The following SQSTM1 variants were observed in gnomAD, a reference collection of about 807,000 sequenced individuals.
SQSTM1 encodes the protein sequestosome 1.
Under a neutral mutation model 45.1 loss-of-function variants are expected in SQSTM1, and 36 were observed. The ratio of observed to expected loss-of-function variants is 0.80; its 90% CI spans 0.61 to 1.05. The LOEUF is 1.05. Ranked by LOEUF, SQSTM1 falls within the 50% of genes least tolerant of loss-of-function variation. The pLI, the probability that SQSTM1 is intolerant of heterozygous loss-of-function variation, is 0.00. For synonymous variants in SQSTM1, 290 were observed against 244.3 expected (o/e 1.19, Z -1.74); for missense variants, 617 against 607.1 (o/e 1.02, Z -0.17).
chr5:179,832,713 G>GA (rs1758283241), intron 5 of SQSTM1, among the ~76,000 whole-genome samples: 1 of 152,232 alleles, frequency 6.6e-6, no homozygotes, highest in African/African-American at 2.4e-5. Flanking sequence ...ATTGGAGAAA[G>GA]AGAAAGGTCC....
intron 1 of SQSTM1, among the ~76,000 whole-genome samples, chr5:179,809,552 T>C (rs1172831710): frequency 6.6e-6 from 1 of 151,038 alleles, no homozygotes; most frequent in Non-Finnish European, 1.5e-5. Context: ...TTGGTCAGGC[T>C]GGTCTCAAAC....
chr5:179,808,864 A>T lies in SQSTM1; in HGVS notation c.-157+2273A>T, dbSNP rs1362096317. Among the ~76,000 whole-genome samples the T allele has an allele frequency of 7.5e-5, 11 of 146,196 alleles. No individual in the cohort carries two copies. In the East Asian group the frequency reaches 7.9e-4, roughly 10 times the overall value. ...TATTTATTTATTTTTAGTTTATCTTATTTTTTTTTTTGAGACGGAGTCTTG... is the reference window on the plus strand; with the variant it reads ...TATTTATTTATTTTTAGTTTATCTTTTTTTTTTTTTTGAGACGGAGTCTTG... On this transcript the variant is annotated intron_variant, in intron 1 of 5. Transcript: ENST00000514093.
chr5:179,828,167 C>T (rs147698186), intron 5 of SQSTM1, among the ~76,000 whole-genome samples: 2 of 152,288 alleles, frequency 1.3e-5, no homozygotes, highest in Non-Finnish European at 2.9e-5. Context: ...ACTCCGTAGA[C>T]AAAGTAGCCT....
intron 7 of SQSTM1, among the ~76,000 whole-genome samples, chr5:179,834,504 C>T (rs958960591): frequency 6.6e-6 from 1 of 151,730 alleles, no homozygotes; most frequent in Admixed American, 6.6e-5. Flanking sequence ...GAGGGAAGGT[C>T]AGCAGATAAA....
chr5:179,806,982 CG>C lies in SQSTM1; in HGVS notation c.-157+393del, dbSNP rs1182385388. On this transcript the variant is annotated intron_variant, in intron 1 of 5. Coordinates refer to the SQSTM1 transcript ENST00000514093. This position sits in a 1 kb window ranked among gnomAD's most constrained non-coding sequence, Gnocchi z 4.6. ...GGATCTGGGGCCGCCGCGGAGTCGACGGCGCAGGGCGGGGCGGCCCGGATTT... is the reference window on the plus strand; with the variant it reads ...GGATCTGGGGCCGCCGCGGAGTCGACGCGCAGGGCGGGGCGGCCCGGATTT... The C allele has an allele frequency of 6.8e-6, 1 of 147,944 alleles. No homozygotes were observed. Among genetic ancestry groups the C allele is most frequent in the Non-Finnish European group, 1.5e-5 (1 of 66,534 alleles). The allele number at this position is 147,944 out of a possible 1,614,324, so 9.2% of individuals were successfully genotyped here.
rs1180992148 is a variant in SQSTM1, at chr5:179,837,555, G to A, written c.*962G>A. On this transcript the variant is annotated 3_prime_UTR_variant, in exon 8 of 8. Transcript: ENST00000389805. ...CTCTCAGACCCAGATGTGACGGGGT[G>A]TGTGGCCCGAGGAAGCTGGACAGCG... is the stretch of plus-strand genomic sequence containing the variant. 2 of 1,614,242 alleles carry A rather than the reference G, an allele frequency of 1.2e-6. No individual in the cohort carries two copies. The highest frequency in any genetic ancestry group is 8.5e-7 in the Non-Finnish European group (1 of 1,180,038).
intron 2 of SQSTM1, chr5:179,811,865 C>G (rs558545036): frequency 1.3e-5 from 2 of 152,188 alleles, no homozygotes; most frequent in Non-Finnish European, 2.9e-5. Flanking sequence ...AGTGCAGTGG[C>G]GCCATCTCGG....
At chr5:179,809,048 G>A (rs1469430667) in intron 1 of SQSTM1, among the ~76,000 whole-genome samples, 9 of 147,536 alleles carry the variant, frequency 6.1e-5, no homozygotes, top group African/African-American at 2.0e-4. Context: ...TATTAGAGAC[G>A]GGGTTTCACC....
At position 179,821,042 on chromosome 5, in the gene SQSTM1, G is replaced by A. The variant is rs376158712; in HGVS notation, c.106G>A (p.Glu36Lys). The change falls in exon 1 of 8, where the codon GAG becomes AAG. Residue 36 changes from glutamate to lysine, a missense_variant. Transcript: ENST00000389805. ...CCSPEPEAEA[E>K]AAAGPGPCER... ...CAGCCCCGAGCCTGAGGCGGAAGCC[G>A]AGGCTGCGGCGGGTCCGGGACCCTG... The A allele has an allele frequency of 2.6e-5, 41 of 1,548,304 alleles. No individual in the cohort carries two copies. Among genetic ancestry groups the A allele is most frequent in the Middle Eastern group, 3.6e-4 (2 of 5,628 alleles).
Position 179,836,744 on chromosome 5 carries a change from C to G in SQSTM1, c.*151C>G. ...CAAGAAGCCATTTAGGGCAGCAAAA[C>G]AAGTGACATGAAGGGAGGGTCCCTG... On this transcript the variant is annotated 3_prime_UTR_variant, in exon 8 of 8. Coordinates refer to ENST00000389805, the MANE Select transcript of SQSTM1 (RefSeq NM_003900.5). 1 of 1,180,458 alleles carries G rather than the reference C, an allele frequency of 8.5e-7. No homozygotes were observed. Among genetic ancestry groups the G allele is most frequent in the Non-Finnish European group, 1.3e-6 (1 of 799,760 alleles). The allele number at this position is 1,180,458 out of a possible 1,614,324, so 73.1% of individuals were successfully genotyped here. A position where few individuals can be genotyped will look rare whatever the true frequency, so the allele number is the denominator to read the frequency against.
chr5:179,821,425 C>A, intron 1 of SQSTM1: 1 of 610,072 alleles, frequency 1.6e-6, no homozygotes, highest in South Asian at 1.6e-5. Context: ...GCGTCAGACG[C>A]CCCGCTCCAC....
rs199887787 is a variant in SQSTM1, at chr5:179,837,704, G to C, written c.*1111G>C. The stretch of plus-strand genomic sequence containing the variant: ...CCTTGGCTGCTCACTGTCCACATGT[G>C]AACTTTTTCTAGGTGGCAGGACAAA... On this transcript the variant is annotated 3_prime_UTR_variant, in exon 8 of 8. Transcript: ENST00000389805. 7.9e-4 allele frequency: 1,275 copies of C among 1,614,256 alleles called. 19 individuals are homozygous for C. The South Asian group carries it at 0.013, about 17-fold the overall frequency.
intron 5 of SQSTM1, among the ~76,000 whole-genome samples, chr5:179,830,644 C>T (rs1758172287): frequency 6.6e-6 from 1 of 151,926 alleles, no homozygotes; most frequent in South Asian, 2.1e-4. Context: ...CTGCAGTTTC[C>T]ACCTCCTGGG....
At chr5:179,815,417 GA>G (rs901017500), upstream of SQSTM1, among the ~76,000 whole-genome samples, 14 of 145,704 alleles carry the variant, frequency 9.6e-5, no homozygotes, top group Admixed American at 1.4e-4. Flanking sequence ...ACTCTGTCTC[GA>G]AAAAAAAAAA....
intron 2 of SQSTM1, 70 bp downstream of exon 2, chr5:179,823,123 CAG>C: frequency 7.0e-7 from 1 of 1,429,266 alleles, no homozygotes. Context: ...GAGTAAAAAA[CAG>C]GGCTCGATGT....
chr5:179,823,985 C>A lies in SQSTM1; in HGVS notation c.429C>A (p.Ser143Arg), dbSNP rs374417389. Residue 143 changes from serine (S) to arginine (R), a missense_variant, in exon 3 of 8, where the codon AGC becomes AGA. Ser to Arg is a moderately radical substitution (Grantham distance 110). Coordinates refer to ENST00000389805, the MANE Select transcript of SQSTM1 (RefSeq NM_003900.5). ...GPVVGTRYKC[S>R]VCPDYDLCSV... The stretch of plus-strand genomic sequence containing the variant: ...TGGTAGGAACCCGCTACAAGTGCAG[C>A]GTCTGCCCAGACTACGACTTGTGTA... 6.2e-6 allele frequency: 10 copies of A among 1,613,924 alleles called. No homozygotes were observed. The African/African-American group carries it at 1.2e-4, about 19-fold the overall frequency.
intron 5 of SQSTM1, among the ~76,000 whole-genome samples, chr5:179,827,247 G>A (rs10056257): frequency 0.52 from 79,432 of 152,036 alleles, 21,102 homozygotes; most frequent in East Asian, 0.79. Flanking sequence ...GCAGCATCTC[G>A]GAACTGAACT....
chr5:179,831,486 A>T (rs1758215111), intron 5 of SQSTM1, among the ~76,000 whole-genome samples: 1 of 152,092 alleles, frequency 6.6e-6, no homozygotes, highest in Non-Finnish European at 1.5e-5. Flanking sequence ...ACATGGTGAA[A>T]CCCCGTCTCT....
At chr5:179,824,127 G>T in intron 3 of SQSTM1, 40 bp downstream of exon 3, 1 of 1,613,600 alleles carries the variant, frequency 6.2e-7, no homozygotes, top group African/African-American at 1.3e-5. Flanking sequence ...TGGGCTCAGG[G>T]TGGCAGGAAC....
Sources: gnomAD v4.1 joint callset for allele counts (sites outside exome capture counted in the v4.1 genomes callset) on GRCh38, gnomAD v4.1.1 for gene constraint, Gnocchi (gnomAD v3.1) non-coding constraint, MANE v1.5 for transcripts, NCBI Gene and HGNC (gene_info 2026-07-23, HGNC 2026-07-21) for gene names.